Variants in PCDHA1 observed in about 807,000 individuals in gnomAD.
PCDHA1 encodes the protein protocadherin alpha 1.
A neutral mutation model predicts 61.3 loss-of-function variants in PCDHA1; 42 were observed. The observed-to-expected ratio is 0.69, with a 90% CI of 0.54 to 0.89. PCDHA1 has a LOEUF of 0.89. Ranked by LOEUF, PCDHA1 falls within the 40% of genes least tolerant of loss-of-function variation. The probability of loss-of-function intolerance (pLI) is 0.00; values close to 1 mark genes in which losing one functional copy is unlikely to be tolerated. For missense variants in PCDHA1, 1,256 were observed against 1,235.3 expected (o/e 1.02, Z -0.25); for synonymous variants, 610 against 553.8 (o/e 1.10, Z -1.43).
At chr5:140,863,233 C>T (rs2047882202) in intron 1 of PCDHA1, 3 of 1,240,302 alleles carry the variant, frequency 2.4e-6, no homozygotes, top group Non-Finnish European at 3.4e-6. Context: ...GGTCCCATCG[C>T]GGGCTTTGGC....
At chr5:140,798,892 A>C (rs1177258035) in intron 1 of PCDHA1, among the ~76,000 whole-genome samples, 1 of 152,200 alleles carries the variant, frequency 6.6e-6, no homozygotes, top group Non-Finnish European at 1.5e-5. Context: ...TTTGCTGTTT[A>C]TTCTAAATAT....
chr5:140,927,697 C>T, intron 1 of PCDHA1: 2 of 1,614,170 alleles, frequency 1.2e-6, no homozygotes, highest in Non-Finnish European at 1.7e-6. Flanking sequence ...TGGGGAAGTC[C>T]AGTACTCCCT....
chr5:140,861,502 T>A, intron 1 of PCDHA1: 1 of 482,002 alleles, frequency 2.1e-6, no homozygotes. Context: ...CTGATAGACC[T>A]CGAGGAGCTG....
intron 1 of PCDHA1, among the ~76,000 whole-genome samples, chr5:140,790,804 C>T (rs554358736): frequency 6.6e-6 from 1 of 152,070 alleles, no homozygotes; most frequent in African/African-American, 2.4e-5. Context: ...AGTGTATTAA[C>T]CTGAAGGTGA....
At chr5:140,887,612 G>A (rs2061514716) in intron 1 of PCDHA1, among the ~76,000 whole-genome samples, 1 of 151,760 alleles carries the variant, frequency 6.6e-6, no homozygotes, top group East Asian at 1.9e-4. Flanking sequence ...GCTTTAGTAT[G>A]GTTTTCTTTA....
chr5:140,864,709 T>C (rs2048574243), intron 1 of PCDHA1: 1 of 152,268 alleles, frequency 6.6e-6, no homozygotes, highest in South Asian at 2.1e-4. Flanking sequence ...TGTTGAGCTC[T>C]TCTACTATTT....
At chr5:140,833,945 ATCTT>A (rs2150125418) in intron 1 of PCDHA1, among the ~76,000 whole-genome samples, 1 of 152,258 alleles carries the variant, frequency 6.6e-6, no homozygotes, top group East Asian at 1.9e-4. Flanking sequence ...TTAGGTTTCT[ATCTT>A]TATTTAAAAC....
At chr5:140,856,416 A>C in intron 1 of PCDHA1, 1 of 1,598,486 alleles carries the variant, frequency 6.3e-7, no homozygotes, top group South Asian at 1.1e-5. Context: ...GTGGAAGTGA[A>C]GGACATTAAC....
Position 140,787,970 on chromosome 5 carries a change from C to A in PCDHA1, c.1680C>A (p.Asp560Glu). The A allele has an allele frequency of 6.2e-7, 1 of 1,613,976 alleles. No individual in the cohort carries two copies. The highest frequency in any genetic ancestry group is 1.1e-5 in the South Asian group (1 of 91,072). ...TLQVFVLDEN[D>E]NAPALLAPRV... ...AGGTGTTCGTGCTGGACGAGAACGA[C>A]AACGCGCCGGCGCTGCTGGCGCCTC... The change falls in exon 1 of 4, where the codon GAC becomes GAA. Residue 560 changes from aspartate to glutamate, a missense_variant. Physicochemically the swap from Asp to Glu is conservative, Grantham distance 45. Transcript: ENST00000504120.
intron 1 of PCDHA1, chr5:140,857,226 C>A (rs1266010631): frequency 6.3e-7 from 1 of 1,598,378 alleles, no homozygotes; most frequent in African/African-American, 1.3e-5. Context: ...CCTCACGTTC[C>A]GTTCAAGCTG....
At chr5:140,796,751 C>T (rs782526006) in intron 1 of PCDHA1, 1 of 1,614,148 alleles carries the variant, frequency 6.2e-7, no homozygotes, top group Admixed American at 1.7e-5. Flanking sequence ...AAGGTGCGCG[C>T]AGTGGACGCT....
intron 1 of PCDHA1, chr5:140,850,119 G>A: frequency 1.3e-6 from 2 of 1,596,076 alleles, no homozygotes; most frequent in East Asian, 2.2e-5. Flanking sequence ...CGACGCGGGC[G>A]TGCCGCCTCT....
intron 1 of PCDHA1, chr5:140,829,380 G>C (rs1554131916): frequency 2.5e-6 from 4 of 1,613,994 alleles, no homozygotes; most frequent in Non-Finnish European, 3.4e-6. Context: ...GCGCGGGACG[G>C]GGGCTCGCCT....
chr5:140,884,441 G>A, intron 1 of PCDHA1: 2 of 1,613,812 alleles, frequency 1.2e-6, no homozygotes, highest in Non-Finnish European at 1.7e-6. Flanking sequence ...GCGGTGCTCG[G>A]CACCGCCCAC....
intron 1 of PCDHA1, among the ~76,000 whole-genome samples, chr5:140,909,448 C>A (rs547019806): frequency 6.6e-6 from 1 of 152,284 alleles, no homozygotes; most frequent in South Asian, 2.1e-4. Context: ...TGTCATTCTC[C>A]AAGATCCATC....
Position 140,846,956 on chromosome 5 carries a change from G to A in PCDHA1, c.2394+58272G>A, listed in dbSNP as rs144830979. On this transcript the variant is annotated intron_variant, in intron 1 of 3. Transcript: ENST00000504120. ...AGAAATACTTGAAGGGGCATGGTGT[G>A]TTTCAGTGGTTTTAAAATAAGTAAG... 2.7e-5 allele frequency among the ~76,000 whole-genome samples: 4 copies of A among 149,688 alleles called. No individual in the cohort carries two copies. In the East Asian group the frequency reaches 7.8e-4, roughly 29 times the overall value.
At chr5:140,822,462 C>A in intron 1 of PCDHA1, 1 of 1,613,516 alleles carries the variant, frequency 6.2e-7, no homozygotes, top group South Asian at 1.1e-5. Flanking sequence ...AGTTGTTGAT[C>A]AATGTATTGG....
intron 1 of PCDHA1, chr5:140,884,171 C>T (rs781800470): frequency 6.2e-7 from 1 of 1,613,414 alleles, no homozygotes; most frequent in Admixed American, 1.7e-5. Context: ...CAGCACGACG[C>T]GCCCTCTGGA....
chr5:141,007,481 T>C (rs2098332347), intron 3 of PCDHA1, among the ~76,000 whole-genome samples: 1 of 151,600 alleles, frequency 6.6e-6, no homozygotes, highest in Non-Finnish European at 1.5e-5. Context: ...GGCACGAGAA[T>C]TACTTGGACC....
Sources: gnomAD v4.1 joint callset for allele counts (sites outside exome capture counted in the v4.1 genomes callset) on GRCh38, gnomAD v4.1.1 for gene constraint, MANE v1.5 for transcripts, NCBI Gene and HGNC (gene_info 2026-07-23, HGNC 2026-07-21) for gene names.